LPCAT2: variants seen among roughly 807,000 people sequenced by gnomAD.
The protein encoded by LPCAT2 is 1-AGP acyltransferase 11.
A neutral mutation model predicts 64.7 loss-of-function variants in LPCAT2; 58 were observed. The ratio of observed to expected loss-of-function variants is 0.90; its 90% confidence interval spans 0.73 to 1.12. The LOEUF (loss-of-function observed/expected upper bound fraction) is 1.12, where lower values mean the gene tolerates loss of function less well. Ranked by LOEUF, LPCAT2 falls within the 50% of genes most tolerant of loss-of-function variation. LPCAT2 has a pLI of 0.00. For missense variants in LPCAT2, 579 were observed against 669.8 expected (o/e 0.86, Z 1.50); for synonymous variants, 252 against 245.3 (o/e 1.03, Z -0.26).
At position 55,529,867 on chromosome 16, in the gene LPCAT2, T is replaced by C. The variant is rs780123882; in HGVS notation, c.562T>C (p.Ser188Pro). 5 of 1,612,234 alleles carry C rather than the reference T, an allele frequency of 3.1e-6. No homozygotes were observed. The East Asian group carries it at 1.1e-4, about 36-fold the overall frequency. ...ACGGGCTGTGCAACCAGTTTTGGTG[T>C]CCCGTGTAGATCCGGATTCCCGAAA... ...LLRAVQPVLV[S>P]RVDPDSRKNT... Residue 188 changes from serine to proline, a missense_variant, in exon 4 of 14, where the codon TCC becomes CCC. Ser to Pro is a moderately conservative substitution (Grantham distance 74). Coordinates refer to ENST00000262134, the MANE Select transcript of LPCAT2 (RefSeq NM_017839.5).
chr16:55,529,887 C>G lies in LPCAT2; in HGVS notation c.582C>G (p.Ser194=). The part of the protein sequence containing the change: ...PVLVSRVDPD[S]RKNTINEIIK... The stretch of plus-strand genomic sequence containing the variant: ...TGGTGTCCCGTGTAGATCCGGATTC[C>G]CGAAAAAACACAATAAATGAAATAA... Residue 194 remains serine (S), a synonymous_variant, in exon 4 of 14, where the codon TCC becomes TCG. Transcript: ENST00000262134. 1 of 1,458,600 alleles carries G rather than the reference C, an allele frequency of 6.9e-7. No individual in the cohort carries two copies. The highest frequency in any genetic ancestry group is 9.1e-7 in the Non-Finnish European group (1 of 1,102,294). The allele number at this position is 1,458,600 out of a possible 1,614,324, so 90.4% of individuals were successfully genotyped here. A position where few individuals can be genotyped will look rare whatever the true frequency, so the allele number is the denominator to read the frequency against.
chr16:55,570,503 C>T (rs369078328), intron 11 of LPCAT2, among the ~76,000 whole-genome samples: 6 of 152,164 alleles, frequency 3.9e-5, no homozygotes, highest in Non-Finnish European at 8.8e-5. Flanking sequence ...AGCAAGTTGG[C>T]GCACACCTGT....
chr16:55,531,832 G>A (rs1596858977), intron 4 of LPCAT2, 82 bp from the exon 5 acceptor site: 2 of 879,446 alleles, frequency 2.3e-6, no homozygotes, highest in Middle Eastern at 2.3e-4. Context: ...ATTGGCAGCT[G>A]TTTGTGAAGT....
chr16:55,554,610 CTTA>C (rs1963554153), intron 11 of LPCAT2, among the ~76,000 whole-genome samples: 1 of 152,160 alleles, frequency 6.6e-6, no homozygotes, highest in Non-Finnish European at 1.5e-5. Flanking sequence ...GTTTCACTTT[CTTA>C]TTATTTGTGT....
intron 6 of LPCAT2, among the ~76,000 whole-genome samples, chr16:55,533,300 T>G (rs1234105746): frequency 1.3e-5 from 2 of 152,112 alleles, no homozygotes; most frequent in African/African-American, 4.8e-5. Flanking sequence ...GGCTTGGTCT[T>G]TCATTACTGC....
chr16:55,518,198 A>T (rs1963040646), intron 1 of LPCAT2, among the ~76,000 whole-genome samples: 1 of 152,190 alleles, frequency 6.6e-6, no homozygotes, highest in Admixed American at 6.5e-5. Context: ...TTTAGCATCA[A>T]AAAGAGTGAA....
intron 11 of LPCAT2, among the ~76,000 whole-genome samples, chr16:55,572,645 G>A (rs1963783347): frequency 6.6e-6 from 1 of 151,962 alleles, no homozygotes; most frequent in South Asian, 2.1e-4. Flanking sequence ...TTACCATGGT[G>A]TATACATTTG....
At chr16:55,548,048 G>A (rs1352464221) in intron 9 of LPCAT2, among the ~76,000 whole-genome samples, 3 of 152,154 alleles carry the variant, frequency 2.0e-5, no homozygotes, top group Non-Finnish European at 2.9e-5. Flanking sequence ...GATTACTGGC[G>A]TGAGCCACCG....
At chr16:55,532,703 T>A in intron 5 of LPCAT2, 121 bp from the exon 6 acceptor site, 1 of 601,602 alleles carries the variant, frequency 1.7e-6, no homozygotes, top group Non-Finnish European at 2.8e-6. Context: ...ATTTAGCAAA[T>A]GATTTCTGTT....
At chr16:55,539,418 G>C (rs764292878) in intron 8 of LPCAT2, 4 of 152,138 alleles carry the variant, frequency 2.6e-5, no homozygotes, top group South Asian at 2.1e-4. Context: ...CGTCGACAGA[G>C]ATTTGATGAA....
chr16:55,540,726 T>C (rs1963386077), intron 8 of LPCAT2: 3 of 182,984 alleles, frequency 1.6e-5, no homozygotes, highest in Non-Finnish European at 3.3e-5. Flanking sequence ...ATATAATAAG[T>C]CCCCCCTTAT....
At chr16:55,537,447 A>G (rs1012571600) in intron 7 of LPCAT2, 131 bp from the exon 8 acceptor site, 2 of 643,852 alleles carry the variant, frequency 3.1e-6, no homozygotes, top group African/African-American at 1.9e-5. Flanking sequence ...GCTGCAGTGT[A>G]GCATTTATAA....
chr16:55,525,695 G>A, intron 2 of LPCAT2, 48 bp downstream of exon 2: 1 of 1,425,642 alleles, frequency 7.0e-7, no homozygotes, highest in Non-Finnish European at 9.5e-7. Flanking sequence ...ATTAAATTAA[G>A]ATATACTAAA....
chr16:55,509,991 CTTT>C (rs57496150), intron 1 of LPCAT2, among the ~76,000 whole-genome samples: 29 of 102,482 alleles, frequency 2.8e-4, no homozygotes, highest in Admixed American at 6.0e-4. Context: ...TTGAAGAAGT[CTTT>C]TTTTTTTTTT....
chr16:55,525,371 C>A, intron 1 of LPCAT2, 137 bp from the exon 2 acceptor site: 2 of 584,502 alleles, frequency 3.4e-6, no homozygotes, highest in Non-Finnish European at 5.7e-6. Flanking sequence ...AAATCCTTGT[C>A]TGGTACAGGC....
At chr16:55,530,488 G>A (rs1484351127) in intron 4 of LPCAT2, among the ~76,000 whole-genome samples, 1 of 113,938 alleles carries the variant, frequency 8.8e-6, no homozygotes, top group Non-Finnish European at 2.0e-5. Context: ...CTGGAATGCG[G>A]GGGTGGGGGG....
chr16:55,574,696 C>T lies in LPCAT2; in HGVS notation c.1281C>T (p.Ser427=). ...GCCTGGCTGTCTTGTGCAACCCTTC[C>T]AACACAGAGGAGATCATCCAGGTGG... ...VIGLAVLCNP[S]NTEEIIQVAF... The change falls in exon 12 of 14, where the codon TCC becomes TCT. Residue 427 remains serine, a synonymous_variant. Transcript: ENST00000262134. The T allele has an allele frequency of 6.2e-7, 1 of 1,613,528 alleles. No homozygotes were observed. Among genetic ancestry groups the T allele is most frequent in the African/African-American group, 1.3e-5 (1 of 74,994 alleles).
chr16:55,540,404 C>A (rs1567397566), intron 8 of LPCAT2: 1 of 152,076 alleles, frequency 6.6e-6, no homozygotes, highest in Non-Finnish European at 1.5e-5. Context: ...AGCTGTTTCA[C>A]AAGTATCCCT....
chr16:55,571,409 C>A lies in LPCAT2; in HGVS notation c.1216-3222C>A, dbSNP rs111410570. Among the ~76,000 whole-genome samples the A allele has an allele frequency of 3.0e-3, 454 of 152,276 alleles. 3 individuals are homozygous for A. The highest frequency in any genetic ancestry group is 0.01 in the African/African-American group (431 of 41,562). On this transcript the variant is annotated intron_variant, in intron 11 of 13. Transcript: ENST00000262134. The stretch of plus-strand genomic sequence containing the variant: ...CCCTCACACACACTTCCATGCTTTT[C>A]TGATCCTGCTGACTTCCAGGAAAGG...
Sources: allele counts gnomAD v4.1 joint callset (sites outside exome capture counted in the v4.1 genomes callset), GRCh38; gene constraint gnomAD v4.1.1; transcripts MANE v1.5; gene names NCBI Gene and HGNC (gene_info 2026-07-23, HGNC 2026-07-21).